The following PKHD1 variants were observed in gnomAD, a reference collection of about 807,000 sequenced individuals.
PKHD1 encodes PKHD1 ciliary IPT domain containing fibrocystin/polyductin, also known as fibrocystin.
A neutral mutation model predicts 412.0 loss-of-function variants in PKHD1; 291 were observed. That is an observed-to-expected ratio of 0.71 (90% CI 0.64 to 0.78). The LOEUF is 0.78. Among genes scored for constraint, PKHD1 ranks in the 30% least tolerant of loss-of-function variants. PKHD1 has a pLI of 0.00. For synonymous variants in PKHD1, 1,777 were observed against 1,821.5 expected, an observed-to-expected ratio of 0.98 and a Z score of 0.62; for missense variants, 4,825 against 4,950.7, an observed-to-expected ratio of 0.97 and a Z score of 0.76.
At chr6:51,779,288 C>T (rs1791579281) in intron 53 of PKHD1, among the ~76,000 whole-genome samples, 1 of 152,092 alleles carries the variant, frequency 6.6e-6, no homozygotes, top group Non-Finnish European at 1.5e-5. Context: ...ACTCCCTTGC[C>T]TCTGCCCCCC....
intron 35 of PKHD1, among the ~76,000 whole-genome samples, chr6:51,976,200 T>C (rs1008844877): frequency 2.0e-5 from 3 of 152,160 alleles, no homozygotes; most frequent in Non-Finnish European, 4.4e-5. Flanking sequence ...GCTATGTTCG[T>C]AGCAGCATTA....
chr6:51,899,301 CA>C (rs1780784197), intron 43 of PKHD1, among the ~76,000 whole-genome samples: 1 of 151,628 alleles, frequency 6.6e-6, no homozygotes, highest in South Asian at 2.1e-4. Flanking sequence ...AGCAGCACAT[CA>C]AAAAGCTTAT....
intron 35 of PKHD1, among the ~76,000 whole-genome samples, chr6:51,995,945 G>C (rs973929709): frequency 6.6e-6 from 1 of 151,860 alleles, no homozygotes; most frequent in Non-Finnish European, 1.5e-5. Flanking sequence ...GAGGGACTCA[G>C]ACAATGCCTG....
intron 52 of PKHD1, among the ~76,000 whole-genome samples, chr6:51,816,003 A>G (rs1765400759): frequency 6.6e-6 from 1 of 152,178 alleles, no homozygotes; most frequent in Admixed American, 6.5e-5. Flanking sequence ...GATGCTTGCC[A>G]TAGTAAATAA....
In PKHD1 at chr6:51,680,474, G is replaced by A. The variant is rs141070662; in HGVS notation, c.10157-20505C>T. The stretch of plus-strand genomic sequence containing the variant: ...TATTGCACAGAAGTATCACTGATTA[G>A]GAGAGCAAAACTCAAGAGTTATCAC... On this transcript the variant is annotated intron_variant, in intron 60 of 66. Coordinates refer to ENST00000371117, the MANE Select transcript of PKHD1 (RefSeq NM_138694.4). Among the ~76,000 whole-genome samples the A allele has an allele frequency of 2.0e-5, 3 of 152,106 alleles. No individual in the cohort carries two copies. In the East Asian group the frequency reaches 5.8e-4, roughly 29 times the overall value.
chr6:51,638,761 T>C, intron 64 of PKHD1, 88 bp downstream of exon 64: 3 of 790,570 alleles, frequency 3.8e-6, no homozygotes, highest in Non-Finnish European at 6.5e-6. Context: ...TTCATGATAG[T>C]AGCTATTCCC....
At position 51,659,809 on chromosome 6, in the gene PKHD1, A is replaced by G; in HGVS notation, c.10317T>C (p.Asp3439=). ...PVVSVTSGFV[D]VFSSVNANIP... is the part of the protein sequence containing the mutation. ...TATTGGCATTTACACTGCTAAAGAC[A>G]TCAACAAAACCACTAGTCACAGATA... The change falls in exon 61 of 67, where the codon GAT becomes GAC. Residue 3439 remains aspartate (D), a synonymous_variant. Transcript: ENST00000371117. The G allele has an allele frequency of 1.2e-6, 2 of 1,613,886 alleles. No individual in the cohort carries two copies. The highest frequency in any genetic ancestry group is 1.7e-6 in the Non-Finnish European group (2 of 1,179,864).
Position 51,747,731 on chromosome 6 carries a change from A to C in PKHD1, c.9829+56T>G, listed in dbSNP as rs538451061. 5.3e-5 allele frequency: 80 copies of C among 1,504,896 alleles called. No individual in the cohort carries two copies. The African/African-American group carries it at 8.9e-4, about 17-fold the overall frequency. The allele number at this position is 1,504,896 out of a possible 1,614,324, so 93.2% of individuals were successfully genotyped here. On this transcript the variant is annotated intron_variant, in intron 58 of 66. Coordinates refer to ENST00000371117, the MANE Select transcript of PKHD1 (RefSeq NM_138694.4). ...GATAAAATTTCAGAATGCCATTAAA[A>C]ATTTTATGCATGGATGTATGAAATG...
intron 37 of PKHD1, among the ~76,000 whole-genome samples, chr6:51,915,682 C>T (rs1354236222): frequency 6.6e-6 from 1 of 151,792 alleles, no homozygotes; most frequent in East Asian, 1.9e-4. Flanking sequence ...AAGCCCACAC[C>T]CTCAAACCCA....
chr6:51,643,334 C>T (rs1387315335), intron 63 of PKHD1, among the ~76,000 whole-genome samples: 1 of 152,022 alleles, frequency 6.6e-6, no homozygotes, highest in East Asian at 1.9e-4. Context: ...CTGGTTTGTC[C>T]TCATTCCTTG....
chr6:51,761,706 C>T (rs1267048674), intron 55 of PKHD1, among the ~76,000 whole-genome samples: 2 of 151,938 alleles, frequency 1.3e-5, no homozygotes, highest in East Asian at 3.9e-4. Context: ...AGCATAAATA[C>T]ATAAAATTTT....
chr6:51,653,678 A>C (rs1399803869), intron 61 of PKHD1, among the ~76,000 whole-genome samples: 1 of 152,178 alleles, frequency 6.6e-6, no homozygotes, highest in Non-Finnish European at 1.5e-5. Context: ...ATAAAGACAC[A>C]GAATAAACAC....
intron 63 of PKHD1, among the ~76,000 whole-genome samples, chr6:51,646,470 G>GA (rs944922777): frequency 6.6e-6 from 1 of 151,996 alleles, no homozygotes; most frequent in African/African-American, 2.4e-5. Context: ...CAGGTAAGAA[G>GA]AAAAAAACTC....
chr6:51,677,349 G>A (rs1380826813), intron 60 of PKHD1, among the ~76,000 whole-genome samples: 1 of 152,120 alleles, frequency 6.6e-6, no homozygotes, highest in Non-Finnish European at 1.5e-5. Flanking sequence ...TACTGGTGTA[G>A]TGAAGTGGCT....
intron 10 of PKHD1, among the ~76,000 whole-genome samples, 196 bp downstream of exon 10, chr6:52,070,210 C>T (rs138745501): frequency 7.2e-5 from 11 of 152,220 alleles, no homozygotes; most frequent in African/African-American, 2.2e-4. Flanking sequence ...ACATTGCCTA[C>T]AGATTAGTGA....
intron 60 of PKHD1, among the ~76,000 whole-genome samples, chr6:51,684,389 A>C (rs1051077813): frequency 1.3e-5 from 2 of 152,118 alleles, no homozygotes; most frequent in Non-Finnish European, 2.9e-5. Context: ...CTCATACAAT[A>C]TCCATGTTTT....
intron 63 of PKHD1, among the ~76,000 whole-genome samples, chr6:51,647,586 AC>A (rs1322552469): frequency 2.0e-5 from 3 of 152,128 alleles, no homozygotes; most frequent in Non-Finnish European, 4.4e-5. Flanking sequence ...TATTCTTCAT[AC>A]CACTGAGAGC....
intron 48 of PKHD1, among the ~76,000 whole-genome samples, chr6:51,863,274 T>C (rs1774487435): frequency 6.6e-6 from 1 of 152,220 alleles, no homozygotes; most frequent in Non-Finnish European, 1.5e-5. Context: ...GACTATTTTA[T>C]GTACGTCCTG....
Position 52,052,357 on chromosome 6 carries a change from G to A in PKHD1, c.2140+719C>T, listed in dbSNP as rs537424401. Among the ~76,000 whole-genome samples, 101 of 152,308 alleles carry A rather than the reference G, an allele frequency of 6.6e-4. 1 individual carries two copies. The highest frequency in any genetic ancestry group is 4.7e-4 in the Non-Finnish European group (32 of 68,038). On this transcript the variant is annotated intron_variant, in intron 21 of 66. Transcript: ENST00000371117. ...GAGGAGGACTTTGTCCCTAAGACTA[G>A]CGGGCAAGAGCCAGGTGAGACCACT... is the stretch of plus-strand genomic sequence containing the variant.
Sources: allele counts gnomAD v4.1 joint callset (sites outside exome capture counted in the v4.1 genomes callset), GRCh38; gene constraint gnomAD v4.1.1; transcripts MANE v1.5; gene names NCBI Gene and HGNC (gene_info 2026-07-23, HGNC 2026-07-21).